Variants in AGR3 observed in about 807,000 individuals in gnomAD.
The protein encoded by AGR3 is anterior gradient protein 3.
Under a neutral mutation model 24.5 loss-of-function variants are expected in AGR3, and 37 were observed. The observed-to-expected ratio is 1.51, with a 90% CI of 1.16 to 1.99. The LOEUF is 1.99. AGR3 is among the 30% of genes most tolerant of loss of function. The pLI is 0.00. For synonymous variants in AGR3, 75 were observed against 61.6 expected (o/e 1.22, Z -1.02); for missense variants, 228 against 191.1 (o/e 1.19, Z -1.14).
rs141311312 is a variant in AGR3, at chr7:16,878,961, G to T, written c.-27-316C>A. 2.0e-5 allele frequency among the ~76,000 whole-genome samples: 3 copies of T among 152,260 alleles called. No individual in the cohort carries two copies. The East Asian group carries it at 5.8e-4, about 29-fold the overall frequency. ...CCTGTAGTGTTCACACCAACAAGAC[G>T]AAACTCAAATAAGATCATGTTGTTT... On this transcript the variant is annotated intron_variant, in intron 1 of 7. Coordinates refer to ENST00000310398, the MANE Select transcript of AGR3 (RefSeq NM_176813.5).
intron 3 of AGR3, 45 bp from the exon 4 acceptor site, chr7:16,862,707 G>T (rs774314838): frequency 7.4e-7 from 1 of 1,347,514 alleles, no homozygotes; most frequent in Admixed American, 2.3e-5. Context: ...TTAACTTTGG[G>T]TCAAAATATA....
At chr7:16,878,868 C>G (rs10950637) in intron 1 of AGR3, among the ~76,000 whole-genome samples, 131,710 of 152,218 alleles carry the variant, frequency 0.87, 58,374 homozygotes, top group Non-Finnish European at 0.96. Flanking sequence ...TTCTGAGCCT[C>G]CTGGGCATGG....
chr7:16,854,941 T>G (rs950614876), downstream of AGR3, among the ~76,000 whole-genome samples: 1 of 152,202 alleles, frequency 6.6e-6, no homozygotes, highest in Non-Finnish European at 1.5e-5. Context: ...CCAGTCATAT[T>G]GGGTTAGGGG....
intron 3 of AGR3, among the ~76,000 whole-genome samples, chr7:16,872,951 A>G (rs759582955): frequency 7.2e-4 from 110 of 152,348 alleles, no homozygotes; most frequent in Non-Finnish European, 1.4e-3. Context: ...ACAAAAAATA[A>G]CAAATGCTGG....
Position 16,859,570 on chromosome 7 carries a change from T to A in AGR3, c.*12A>T, listed in dbSNP as rs1363904334. ...TGACTTCTTTGAAGTGAAGGCTTTT[T>A]TCCATCATCTCTTATAGCTCTGACT... On this transcript the variant is annotated 3_prime_UTR_variant, in exon 8 of 8. Transcript: ENST00000310398. 3.9e-6 allele frequency: 6 copies of A among 1,543,878 alleles called. 1 individual carries two copies. Among genetic ancestry groups the A allele is most frequent in the Middle Eastern group, 1.8e-4 (1 of 5,436 alleles).
chr7:16,870,924 GC>G (rs1562549299), intron 3 of AGR3, among the ~76,000 whole-genome samples: 1 of 151,990 alleles, frequency 6.6e-6, no homozygotes, highest in Non-Finnish European at 1.5e-5. Flanking sequence ...AAAGAGTATT[GC>G]AATAGAATGT....
rs1299403864 is a variant in AGR3, at chr7:16,873,193, A to G, written c.173+587T>C. Among the ~76,000 whole-genome samples, 5 of 152,196 alleles carry G rather than the reference A, an allele frequency of 3.3e-5. No homozygotes were observed. In the East Asian group the frequency reaches 7.7e-4, roughly 23 times the overall value. ...AATAGCCAAGATATAGAATCAACCTAAATGTCCATCAATGGATGGATGGAT... is the reference window on the plus strand; with the variant it reads ...AATAGCCAAGATATAGAATCAACCTGAATGTCCATCAATGGATGGATGGAT... On this transcript the variant is annotated intron_variant, in intron 3 of 7. Transcript: ENST00000310398.
At chr7:16,868,162 C>CTT (rs34028587) in intron 3 of AGR3, among the ~76,000 whole-genome samples, 14 of 149,284 alleles carry the variant, frequency 9.4e-5, no homozygotes, top group Middle Eastern at 3.4e-3. Context: ...CTTTGTATGT[C>CTT]TTTTTTTTTT....
intron 3 of AGR3, among the ~76,000 whole-genome samples, chr7:16,868,897 G>A (rs565399228): frequency 1.3e-5 from 2 of 152,218 alleles, no homozygotes; most frequent in African/African-American, 2.4e-5. Context: ...CAATTCATCT[G>A]TTGATGGTCA....
At position 16,861,990 on chromosome 7, in the gene AGR3, G is replaced by T; in HGVS notation, c.297C>A (p.Asn99Lys). 2 of 1,609,820 alleles carry T rather than the reference G, an allele frequency of 1.2e-6. No homozygotes were observed. Among genetic ancestry groups the T allele is most frequent in the Non-Finnish European group, 1.7e-6 (2 of 1,176,594 alleles). ...CATCACAAAGTTTATGTACCATAAG[G>T]TTTAGCATGATGAACTTATTCTGAG... ...EMAQNKFIML[N>K]LMHETTDKNL... Residue 99 changes from asparagine to lysine, a missense_variant, in exon 5 of 8, where the codon AAC (asparagine) becomes AAA (lysine). Coordinates refer to ENST00000310398, the MANE Select transcript of AGR3 (RefSeq NM_176813.5).
Position 16,868,361 on chromosome 7 carries a change from G to A in AGR3, c.173+5419C>T, listed in dbSNP as rs188010595. On this transcript the variant is annotated intron_variant, in intron 3 of 7. Transcript: ENST00000310398. ...GTAGAGATGGGGTTTCTCCATGTTG[G>A]TCAGGCTAGTCTCGAACTCCCGACC... is the stretch of plus-strand genomic sequence containing the variant. Among the ~76,000 whole-genome samples, 259 of 152,146 alleles carry A rather than the reference G, an allele frequency of 1.7e-3. 1 individual carries two copies. The highest frequency in any genetic ancestry group is 6.8e-3 in the Admixed American group (104 of 15,272).
chr7:16,862,189 T>C (rs1014582835), intron 4 of AGR3, 129 bp from the exon 5 acceptor site: 7 of 681,208 alleles, frequency 1.0e-5, no homozygotes, highest in African/African-American at 5.4e-5. Context: ...TAATAGTTCA[T>C]TGGCCTATTG....
At chr7:16,873,167 C>T (rs1176268185) in intron 3 of AGR3, among the ~76,000 whole-genome samples, 1 of 151,998 alleles carries the variant, frequency 6.6e-6, no homozygotes, top group Non-Finnish European at 1.5e-5. Flanking sequence ...TCACTATTCA[C>T]AATAGCCAAG....
chr7:16,858,845 A>T (rs1243429275), downstream of AGR3, among the ~76,000 whole-genome samples: 1 of 152,160 alleles, frequency 6.6e-6, no homozygotes, highest in African/African-American at 2.4e-5. Flanking sequence ...GCGCCACTGC[A>T]CTCCAGCCTG....
At position 16,864,483 on chromosome 7, in the gene AGR3, G is replaced by T; in HGVS notation, c.174-1821C>A. The T allele has an allele frequency of 7.2e-6, 9 of 1,258,722 alleles. No homozygotes were observed. The South Asian group carries it at 8.4e-5, about 12-fold the overall frequency. The allele number at this position is 1,258,722 out of a possible 1,614,324, so 78.0% of individuals were successfully genotyped here. On this transcript the variant is annotated intron_variant, in intron 3 of 7. Transcript: ENST00000310398. ...GGGCTTCATCTCCACTGTCAGGGTC[G>T]ATCATTCCATGTTCCCTGTCAGTCA... is the stretch of plus-strand genomic sequence containing the variant.
intron 3 of AGR3, chr7:16,866,147 A>C: frequency 1.9e-6 from 1 of 539,740 alleles, no homozygotes. Flanking sequence ...TTTCTAATGT[A>C]GAAGGCTCAT....
At chr7:16,861,590 C>T in intron 5 of AGR3, 143 bp from the exon 6 acceptor site, 1 of 673,110 alleles carries the variant, frequency 1.5e-6, no homozygotes, top group Non-Finnish European at 2.5e-6. Context: ...ATATTTAGCT[C>T]TTTGTGCTTT....
intron 3 of AGR3, among the ~76,000 whole-genome samples, chr7:16,872,147 A>C (rs1781878029): frequency 6.6e-6 from 1 of 152,226 alleles, no homozygotes; most frequent in South Asian, 2.1e-4. Context: ...CAAATAGTTC[A>C]AAGCAATACT....
At chr7:16,868,633 T>C (rs1189883834) in intron 3 of AGR3, among the ~76,000 whole-genome samples, 1 of 152,220 alleles carries the variant, frequency 6.6e-6, no homozygotes, top group East Asian at 1.9e-4. Flanking sequence ...TCTCCTTTGC[T>C]GTACAGAAGC....
Sources: allele counts gnomAD v4.1 joint callset (sites outside exome capture counted in the v4.1 genomes callset), GRCh38; gene constraint gnomAD v4.1.1; transcripts MANE v1.5; gene names NCBI Gene and HGNC (gene_info 2026-07-23, HGNC 2026-07-21).